SIRT5: variants seen among roughly 807,000 people sequenced by gnomAD.
The protein encoded by SIRT5 is sirtuin 5.
In SIRT5, 26 loss-of-function variants were observed where a neutral mutation model predicts 40.0. That is an observed-to-expected ratio of 0.65 (90% confidence interval 0.48 to 0.90). The LOEUF is 0.90. Among genes scored for constraint, SIRT5 ranks in the 40% least tolerant of loss-of-function variants. The pLI is 0.00. For missense variants in SIRT5, 401 were observed against 402.4 expected, an observed-to-expected ratio of 1.00 and a Z score of 0.03; for synonymous variants, 146 against 149.1, an observed-to-expected ratio of 0.98 and a Z score of 0.15.
intron 7 of SIRT5, among the ~76,000 whole-genome samples, chr6:13,598,825 C>CAAAAA (rs368964409): frequency 6.4e-5 from 3 of 47,106 alleles, no homozygotes; most frequent in Non-Finnish European, 8.8e-5. Flanking sequence ...GACTCCGTCT[C>CAAAAA]AAAAAAAAAA....
chr6:13,607,004 A>C lies in SIRT5; in HGVS notation c.858-4786A>C, dbSNP rs1050697760. Among the ~76,000 whole-genome samples the C allele has an allele frequency of 2.0e-5, 3 of 150,138 alleles. No individual in the cohort carries two copies. The highest frequency in any genetic ancestry group is 4.4e-5 in the Non-Finnish European group (3 of 67,600). On this transcript the variant is annotated intron_variant, in intron 9 of 9. Transcript: ENST00000606117. This position sits in a 1 kb window ranked among gnomAD's most constrained non-coding sequence, Gnocchi z 4.0. The stretch of plus-strand genomic sequence containing the variant: ...GCCTGCTTTTTTTTTTTTTTTTGGA[A>C]TAGAGCTAAAGGCCTTTTGTTTGAG...
In SIRT5 at chr6:13,591,922, G is replaced by A. The variant is rs781685622; in HGVS notation, c.475+28G>A. ...GAGAGACCCCCAGCCTCCCATTCAG[G>A]GAACCAGCTTTAAAACACCTGTCCT... On this transcript the variant is annotated intron_variant, in intron 5 of 9. Transcript: ENST00000606117. The A allele has an allele frequency of 1.9e-6, 3 of 1,600,716 alleles. No individual in the cohort carries two copies. In the African/African-American group the frequency reaches 4.0e-5, roughly 21 times the overall value.
At position 13,587,693 on chromosome 6, in the gene SIRT5, A is replaced by G. The variant is rs979742294; in HGVS notation, c.116-638A>G. Among the ~76,000 whole-genome samples the G allele has an allele frequency of 3.3e-5, 5 of 152,334 alleles. No individual in the cohort carries two copies. In the South Asian group the frequency reaches 8.3e-4, roughly 25 times the overall value. On this transcript the variant is annotated intron_variant, in intron 3 of 9. Transcript: ENST00000606117. ...TCCTCTCGTGTTATTCTCTGTCTTC[A>G]GTTCCCTTTGCTACCCCAAGTCTCT... is the stretch of plus-strand genomic sequence containing the variant.
rs189915944 is a variant in SIRT5 at position 13,610,955 on chromosome 6, T to C, written c.858-835T>C. Among the ~76,000 whole-genome samples the C allele has an allele frequency of 3.3e-3, 496 of 152,248 alleles. 5 individuals carry two copies. Among genetic ancestry groups the C allele is most frequent in the African/African-American group, 0.011 (474 of 41,550 alleles). ...CAACTGGTTTTCTTTTAATAATGCA[T>C]GAGGAAGTCCTGCTTTTGCTTCTTA... is the stretch of plus-strand genomic sequence containing the variant. On this transcript the variant is annotated intron_variant, in intron 9 of 9. Transcript: ENST00000606117.
intron 9 of SIRT5, chr6:13,604,946 A>T (rs530474979): frequency 1.0e-6 from 1 of 992,282 alleles, no homozygotes; most frequent in Non-Finnish European, 1.2e-6. Context: ...CATCTCATCA[A>T]TGAAGGAGTA....
chr6:13,584,465 C>G (rs1344430380), intron 3 of SIRT5, among the ~76,000 whole-genome samples: 1 of 152,204 alleles, frequency 6.6e-6, no homozygotes, highest in African/African-American at 2.4e-5. Flanking sequence ...GTTCTCTTGC[C>G]TCAGCCTCCC....
At chr6:13,577,476 T>G (rs1020679464) in intron 1 of SIRT5, among the ~76,000 whole-genome samples, 1 of 151,974 alleles carries the variant, frequency 6.6e-6, no homozygotes, top group African/African-American at 2.4e-5. Context: ...CACCACTGAT[T>G]TTTATATGTG....
At position 13,607,086 on chromosome 6, in the gene SIRT5, T is replaced by C. The variant is rs1206950268; in HGVS notation, c.858-4704T>C. Among the ~76,000 whole-genome samples the C allele has an allele frequency of 6.6e-6, 1 of 151,908 alleles. No individual in the cohort carries two copies. The highest frequency in any genetic ancestry group is 2.4e-5 in the African/African-American group (1 of 41,324). ...TGTCGTATCCATAATCTTCCTCGTG[T>C]TCCCCAAATACCCCTGAAGATACGA... On this transcript the variant is annotated intron_variant, in intron 9 of 9. Coordinates refer to ENST00000606117, the MANE Select transcript of SIRT5 (RefSeq NM_012241.5). This position sits in a 1 kb window ranked among gnomAD's most constrained non-coding sequence, Gnocchi z 4.0.
Position 13,588,456 on chromosome 6 carries a change from C to G in SIRT5, c.241C>G (p.Gln81Glu), listed in dbSNP as rs1760372401. 2 of 1,613,792 alleles carry G rather than the reference C, an allele frequency of 1.2e-6. No homozygotes were observed. Among genetic ancestry groups the G allele is most frequent in the Non-Finnish European group, 1.7e-6 (2 of 1,179,880 alleles). The part of the protein sequence containing the change: ...RGAGGYWRKW[Q>E]AQDLATPLAF... ...AGCTGGAGGTTATTGGAGAAAATGG[C>G]AAGCCCAGGTTTGTAAAGTTTCCAG... The change falls in exon 4 of 10, where the codon CAA becomes GAA. Residue 81 changes from glutamine (Q) to glutamate (E), a missense_variant. By Grantham distance (29) the Gln-to-Glu change is conservative. Coordinates refer to ENST00000606117, the MANE Select transcript of SIRT5 (RefSeq NM_012241.5).
chr6:13,590,168 T>C (rs1427184934), intron 4 of SIRT5, among the ~76,000 whole-genome samples: 2 of 152,182 alleles, frequency 1.3e-5, no homozygotes, highest in Non-Finnish European at 2.9e-5. Context: ...AATGCACCCA[T>C]GTGCATTGTG....
intron 7 of SIRT5, 135 bp from the exon 8 acceptor site, chr6:13,598,893 TGGGA>T: frequency 1.2e-6 from 1 of 830,978 alleles, no homozygotes; most frequent in Non-Finnish European, 1.8e-6. Context: ...TTATATAGGC[TGGGA>T]GGGAGGGTGT....
chr6:13,591,008 T>TG, intron 4 of SIRT5, among the ~76,000 whole-genome samples: 1 of 152,106 alleles, frequency 6.6e-6, no homozygotes, highest in Middle Eastern at 3.4e-3. Context: ...TGGATGTAGA[T>TG]GTGTGTAGTT....
chr6:13,584,643 C>A (rs190905627), intron 3 of SIRT5, among the ~76,000 whole-genome samples: 1 of 152,220 alleles, frequency 6.6e-6, no homozygotes, highest in African/African-American at 2.4e-5. Flanking sequence ...GCCACCGCGC[C>A]CACCTGTCCT....
chr6:13,595,346 C>A, intron 5 of SIRT5, 131 bp from the exon 6 acceptor site: 1 of 685,234 alleles, frequency 1.5e-6, no homozygotes, highest in Non-Finnish European at 2.6e-6. Context: ...TACACTCCAG[C>A]CTGGGTAACT....
chr6:13,577,150 A>G (rs555688962), intron 1 of SIRT5, among the ~76,000 whole-genome samples: 6 of 152,314 alleles, frequency 3.9e-5, no homozygotes, highest in Admixed American at 3.9e-4. Flanking sequence ...TTGCAATTCC[A>G]TATGAACTTT....
intron 2 of SIRT5, among the ~76,000 whole-genome samples, chr6:13,583,786 G>A (rs1759686706): frequency 6.6e-6 from 1 of 152,148 alleles, no homozygotes; most frequent in Non-Finnish European, 1.5e-5. Context: ...AAGATTTCAG[G>A]TGATGGCGAC....
intron 5 of SIRT5, among the ~76,000 whole-genome samples, chr6:13,593,414 A>G (rs908387670): frequency 6.6e-6 from 1 of 152,140 alleles, no homozygotes; most frequent in African/African-American, 2.4e-5. Flanking sequence ...TTTGGTACCT[A>G]CATCTGCTGG....
At chr6:13,609,634 C>T (rs985238203) in intron 9 of SIRT5, among the ~76,000 whole-genome samples, 2 of 152,158 alleles carry the variant, frequency 1.3e-5, no homozygotes, top group African/African-American at 4.8e-5. Context: ...ATCCTCAAGG[C>T]TAGAGGAATA....
intron 9 of SIRT5, among the ~76,000 whole-genome samples, chr6:13,610,775 G>T (rs1004384965): frequency 1.3e-5 from 2 of 152,206 alleles, no homozygotes; most frequent in African/African-American, 2.4e-5. Flanking sequence ...AGACGGACTG[G>T]AGATGCCGTG....
Sources: gnomAD v4.1 joint callset for allele counts (sites outside exome capture counted in the v4.1 genomes callset) on GRCh38, gnomAD v4.1.1 for gene constraint, Gnocchi (gnomAD v3.1) non-coding constraint, MANE v1.5 for transcripts, NCBI Gene and HGNC (gene_info 2026-07-23, HGNC 2026-07-21) for gene names.